The following TENM3 variants were observed in gnomAD, a reference collection of about 807,000 sequenced individuals.
TENM3 encodes the protein teneurin-3.
A neutral mutation model predicts 255.1 loss-of-function variants in TENM3; 63 were observed. That is an observed-to-expected ratio of 0.25 (90% CI 0.20 to 0.30). The LOEUF (loss-of-function observed/expected upper bound fraction) is 0.30. Ranked by LOEUF, TENM3 falls within the 10% of genes least tolerant of loss-of-function variation. TENM3 has a pLI of 1.00. For synonymous variants in TENM3, 1,306 were observed against 1,322.3 expected, an observed-to-expected ratio of 0.99 and a Z score of 0.27; for missense variants, 2,929 against 3,461.1, an observed-to-expected ratio of 0.85 and a Z score of 3.86.
intron 3 of TENM3, among the ~76,000 whole-genome samples, chr4:182,361,524 C>G (rs1374169892): frequency 6.6e-6 from 1 of 152,188 alleles, no homozygotes; most frequent in South Asian, 2.1e-4. Flanking sequence ...GCTCCTGAGG[C>G]TTCTGCATTC....
At chr4:182,479,297 T>C in intron 3 of TENM3, among the ~76,000 whole-genome samples, 1 of 152,080 alleles carries the variant, frequency 6.6e-6, no homozygotes, top group Middle Eastern at 3.4e-3. Context: ...TGTGATGAAA[T>C]ACCAAAGACC....
At chr4:182,397,729 C>G (rs1662168441) in intron 3 of TENM3, among the ~76,000 whole-genome samples, 1 of 152,170 alleles carries the variant, frequency 6.6e-6, no homozygotes, top group African/African-American at 2.4e-5. Flanking sequence ...ACGGAATCAC[C>G]TGGAGGGCGG....
chr4:181,954,239 G>C, the TENM3 span, among the ~76,000 whole-genome samples: 1 of 152,046 alleles, frequency 6.6e-6, no homozygotes, highest in African/African-American at 2.4e-5. Context: ...GTTCATTTGT[G>C]TGCAAGTTTT....
the TENM3 span, among the ~76,000 whole-genome samples, chr4:181,729,649 G>C: frequency 6.6e-6 from 1 of 152,208 alleles, no homozygotes; most frequent in Non-Finnish European, 1.5e-5. Context: ...TCTTTCACGT[G>C]ACAGAGCAGC....
chr4:181,970,844 T>C, the TENM3 span, among the ~76,000 whole-genome samples: 2 of 152,226 alleles, frequency 1.3e-5, no homozygotes, highest in African/African-American at 4.8e-5. Context: ...AAATAAATGA[T>C]ATTTTTGTGA....
At chr4:182,021,416 T>TTCCCTC in the TENM3 span, among the ~76,000 whole-genome samples, 1 of 152,142 alleles carries the variant, frequency 6.6e-6, no homozygotes, top group Non-Finnish European at 1.5e-5. Context: ...TTGCGTATCC[T>TTCCCTC]TCCCTCTCCC....
At chr4:182,729,359 C>A (rs1450232303) in intron 14 of TENM3, among the ~76,000 whole-genome samples, 178 bp downstream of exon 14, 3 of 152,192 alleles carry the variant, frequency 2.0e-5, no homozygotes, top group Non-Finnish European at 4.4e-5. Context: ...ACACAGTTCA[C>A]ATACTTTGTC....
intron 1 of TENM3, among the ~76,000 whole-genome samples, chr4:182,283,772 G>A (rs1420979200): frequency 6.6e-6 from 1 of 152,180 alleles, no homozygotes; most frequent in Non-Finnish European, 1.5e-5. Flanking sequence ...AAGAAAGAAT[G>A]GGCAGATGGG....
the TENM3 span, among the ~76,000 whole-genome samples, chr4:181,563,131 A>C: frequency 1.3e-5 from 2 of 152,226 alleles, no homozygotes; most frequent in Non-Finnish European, 2.9e-5. Context: ...AGGGTGGCTT[A>C]AACAGCAGAA....
Position 182,697,249 on chromosome 4 carries a change from G to T in TENM3, c.2221+8898G>T, listed in dbSNP as rs541696934. Among the ~76,000 whole-genome samples the T allele has an allele frequency of 3.3e-5, 5 of 152,266 alleles. No homozygotes were observed. In the South Asian group the frequency reaches 1.0e-3, roughly 32 times the overall value. On this transcript the variant is annotated intron_variant, in intron 12 of 27. Coordinates refer to ENST00000511685, the MANE Select transcript of TENM3 (RefSeq NM_001080477.4). ...TAATTCTTCCAGAAAAAACAGGAGT[G>T]CATGCTGGATACAAGGAGAGCTAAT... is the stretch of plus-strand genomic sequence containing the variant.
chr4:181,721,060 A>G, the TENM3 span, among the ~76,000 whole-genome samples: 125 of 151,982 alleles, frequency 8.2e-4, 1 homozygote, highest in Non-Finnish European at 1.6e-3. Flanking sequence ...TGATGAACCA[A>G]CTCCTGAATT....
intron 3 of TENM3, among the ~76,000 whole-genome samples, chr4:182,545,057 G>A (rs927222948): frequency 6.6e-6 from 1 of 152,060 alleles, no homozygotes; most frequent in African/African-American, 2.4e-5. Context: ...CATCTCTGCA[G>A]AGATTAAAAA....
At chr4:182,169,074 TACACACAC>T (rs55885166) in intron 1 of TENM3, among the ~76,000 whole-genome samples, 1 of 137,760 alleles carries the variant, frequency 7.3e-6, no homozygotes, top group Non-Finnish European at 1.6e-5. Context: ...AATCATGCCA[TACACACAC>T]ACACACACAC....
At chr4:181,575,995 C>G in the TENM3 span, among the ~76,000 whole-genome samples, 1 of 152,182 alleles carries the variant, frequency 6.6e-6, no homozygotes, top group African/African-American at 2.4e-5. Context: ...ACAAGTGTAA[C>G]TTTGTTGCAT....
intron 12 of TENM3, among the ~76,000 whole-genome samples, chr4:182,692,522 A>G (rs1479178153): frequency 6.6e-6 from 1 of 152,206 alleles, no homozygotes; most frequent in Non-Finnish European, 1.5e-5. Flanking sequence ...ATTGTTATCT[A>G]CTATGGAGGG....
chr4:182,433,944 A>G (rs4862066), intron 3 of TENM3, among the ~76,000 whole-genome samples: 71,613 of 151,788 alleles, frequency 0.47, 17,202 homozygotes, highest in South Asian at 0.58. Flanking sequence ...GTGGGAACCC[A>G]CCTCTACAAA....
the TENM3 span, among the ~76,000 whole-genome samples, chr4:181,899,519 AT>A: frequency 6.6e-6 from 1 of 151,794 alleles, no homozygotes; most frequent in African/African-American, 2.4e-5. Context: ...TTTTTCTTTT[AT>A]TTGTTTTGTT....
At chr4:182,366,633 G>A (rs1263522021) in intron 3 of TENM3, among the ~76,000 whole-genome samples, 1 of 152,124 alleles carries the variant, frequency 6.6e-6, no homozygotes, top group Non-Finnish European at 1.5e-5. Flanking sequence ...TCTTTGCAAA[G>A]AAGTGGGATA....
the TENM3 span, among the ~76,000 whole-genome samples, chr4:182,086,233 C>T: frequency 6.6e-6 from 1 of 152,178 alleles, no homozygotes; most frequent in African/African-American, 2.4e-5. Flanking sequence ...GAAGAAACCA[C>T]TCGCTAATCA....
Sources: gnomAD v4.1 joint callset for allele counts (sites outside exome capture counted in the v4.1 genomes callset) on GRCh38, gnomAD v4.1.1 for gene constraint, MANE v1.5 for transcripts, NCBI Gene and HGNC (gene_info 2026-07-23, HGNC 2026-07-21) for gene names.